Variants in PGM5 observed in about 807,000 individuals in gnomAD.
PGM5 encodes the protein phosphoglucomutase 5, also known as phosphoglucomutase-like protein 5.
A neutral mutation model predicts 59.2 loss-of-function variants in PGM5; 23 were observed. The observed-to-expected ratio is 0.39, with a 90% CI of 0.28 to 0.55. The LOEUF is 0.55. PGM5 is among the 20% of genes least tolerant of loss of function. The pLI is 0.66. For synonymous variants in PGM5, 214 were observed against 286.0 expected, an observed-to-expected ratio of 0.75 and a Z score of 2.54; for missense variants, 574 against 748.3, an observed-to-expected ratio of 0.77 and a Z score of 2.72.
At chr9:68,469,333 G>T (rs1387293543) in intron 7 of PGM5, among the ~76,000 whole-genome samples, 1 of 151,822 alleles carries the variant, frequency 6.6e-6, no homozygotes, top group Non-Finnish European at 1.5e-5. Context: ...ACTCTGTTGA[G>T]TCTTTCACAG....
chr9:68,369,408 A>G (rs1422907954), intron 1 of PGM5, among the ~76,000 whole-genome samples: 1 of 152,196 alleles, frequency 6.6e-6, no homozygotes, highest in Non-Finnish European at 1.5e-5. Context: ...GGACACTTGT[A>G]GCTCTTATCC....
intron 1 of PGM5, among the ~76,000 whole-genome samples, chr9:68,363,072 G>A (rs1394291906): frequency 1.3e-5 from 2 of 151,560 alleles, no homozygotes; most frequent in Non-Finnish European, 2.9e-5. Flanking sequence ...GTTTCACCAT[G>A]TCGGCCAGGC....
chr9:68,407,588 C>A (rs1822846251), intron 6 of PGM5, among the ~76,000 whole-genome samples: 1 of 152,136 alleles, frequency 6.6e-6, no homozygotes, highest in African/African-American at 2.4e-5. Context: ...TACAGAGTTT[C>A]TTTTATAACA....
intron 9 of PGM5, among the ~76,000 whole-genome samples, chr9:68,487,379 C>T (rs868973457): frequency 1.3e-5 from 2 of 151,516 alleles, no homozygotes; most frequent in South Asian, 2.1e-4. Flanking sequence ...CTCCCCTTGA[C>T]CAGAATCCTT....
At chr9:68,470,648 C>T (rs539256575) in intron 7 of PGM5, among the ~76,000 whole-genome samples, 5 of 152,284 alleles carry the variant, frequency 3.3e-5, no homozygotes, top group Admixed American at 6.5e-5. Flanking sequence ...TCGCATCTGC[C>T]GATTCTAGTC....
chr9:68,482,516 C>A (rs1824214393), intron 8 of PGM5, among the ~76,000 whole-genome samples: 1 of 152,138 alleles, frequency 6.6e-6, no homozygotes, highest in Admixed American at 6.5e-5. Context: ...TGCATCTTGG[C>A]TAATATGCTG....
At chr9:68,492,479 A>C (rs182841630) in intron 9 of PGM5, among the ~76,000 whole-genome samples, 2 of 152,206 alleles carry the variant, frequency 1.3e-5, no homozygotes, top group Non-Finnish European at 2.9e-5. Flanking sequence ...TTAGCCCCCA[A>C]GAAGGCTGGT....
chr9:68,376,391 CTG>C (rs1554677642), intron 1 of PGM5, among the ~76,000 whole-genome samples: 1 of 151,736 alleles, frequency 6.6e-6, no homozygotes, highest in Non-Finnish European at 1.5e-5. Context: ...TGTTTATAAT[CTG>C]TCTCCTCTGC....
intron 2 of PGM5, among the ~76,000 whole-genome samples, chr9:68,381,430 G>T (rs1554678303): frequency 6.6e-6 from 1 of 151,748 alleles, no homozygotes; most frequent in Non-Finnish European, 1.5e-5. Context: ...AATCAATTGG[G>T]GACAACTGAA....
chr9:68,383,762 G>C (rs263794), intron 2 of PGM5, among the ~76,000 whole-genome samples: 2,118 of 60,026 alleles, frequency 0.035, 67 homozygotes, highest in African/African-American at 0.11. Context: ...AAAAAAAAAA[G>C]CAAAACCCCA....
chr9:68,514,014 T>G (rs565011561), intron 10 of PGM5, among the ~76,000 whole-genome samples: 113 of 152,374 alleles, frequency 7.4e-4, no homozygotes, highest in African/African-American at 2.5e-3. Context: ...CAGCGCTTTA[T>G]ACTTTTGCTA....
intron 7 of PGM5, among the ~76,000 whole-genome samples, chr9:68,476,119 C>G (rs1351060845): frequency 6.6e-6 from 1 of 152,142 alleles, no homozygotes; most frequent in Non-Finnish European, 1.5e-5. Context: ...ATAGCTGGGT[C>G]GAAAGCTGCA....
chr9:68,414,236 G>A (rs1231514257), intron 6 of PGM5, among the ~76,000 whole-genome samples: 1 of 152,128 alleles, frequency 6.6e-6, no homozygotes, highest in Non-Finnish European at 1.5e-5. Flanking sequence ...AGAACCATGA[G>A]CTAAATAGAC....
At chr9:68,423,991 T>C (rs1255339773) in intron 6 of PGM5, among the ~76,000 whole-genome samples, 1 of 152,188 alleles carries the variant, frequency 6.6e-6, no homozygotes, top group Non-Finnish European at 1.5e-5. Context: ...CTGTATCTCT[T>C]GACAAAATAA....
At chr9:68,449,142 G>A (rs1554684185) in intron 6 of PGM5, among the ~76,000 whole-genome samples, 1 of 152,176 alleles carries the variant, frequency 6.6e-6, no homozygotes, top group East Asian at 1.9e-4. Context: ...CTAATGTAAG[G>A]GCACTAATCC....
chr9:68,489,932 T>C (rs1364912445), intron 9 of PGM5, among the ~76,000 whole-genome samples: 1 of 152,232 alleles, frequency 6.6e-6, no homozygotes, highest in Non-Finnish European at 1.5e-5. Flanking sequence ...AAGCAGGCTA[T>C]GTGGAAACAT....
chr9:68,368,862 C>G (rs1467513870), intron 1 of PGM5, among the ~76,000 whole-genome samples: 13 of 152,226 alleles, frequency 8.5e-5, no homozygotes. Flanking sequence ...CCAGGCTGCT[C>G]TTGAGCTCCT....
intron 6 of PGM5, among the ~76,000 whole-genome samples, chr9:68,436,888 C>T (rs1554683401): frequency 6.6e-6 from 1 of 152,200 alleles, no homozygotes; most frequent in Admixed American, 6.5e-5. Flanking sequence ...CTACCATCCA[C>T]CCAGATGTAT....
rs868975835 is a variant in PGM5 at position 68,447,337 on chromosome 9, G to A, written c.1044-17756G>A. Among the ~76,000 whole-genome samples the A allele has an allele frequency of 3.3e-5, 5 of 152,292 alleles. No individual in the cohort carries two copies. The Middle Eastern group carries it at 0.01, about 311-fold the overall frequency. ...TGTGAATTATAATGATGGCTGCAGAGAAGCAACCACTGCCTCCTTAAGGTT... is the reference window on the plus strand; with the variant it reads ...TGTGAATTATAATGATGGCTGCAGAAAAGCAACCACTGCCTCCTTAAGGTT... On this transcript the variant is annotated intron_variant, in intron 6 of 10. Coordinates refer to ENST00000396396, the MANE Select transcript of PGM5 (RefSeq NM_021965.4).
Sources: allele counts gnomAD v4.1 joint callset (sites outside exome capture counted in the v4.1 genomes callset), GRCh38; gene constraint gnomAD v4.1.1; transcripts MANE v1.5; gene names NCBI Gene and HGNC (gene_info 2026-07-23, HGNC 2026-07-21).